The following CDH13 variants were observed in gnomAD, a reference collection of about 807,000 sequenced individuals.
CDH13 encodes the protein cadherin 13.
CDH13 carries 24 observed loss-of-function variants against 63.8 expected under a neutral mutation model. The ratio of observed to expected loss-of-function variants is 0.38; its 90% CI spans 0.27 to 0.53. The LOEUF (loss-of-function observed/expected upper bound fraction) is 0.53. Ranked by LOEUF, CDH13 falls within the 20% of genes least tolerant of loss-of-function variation. CDH13 has a pLI of 0.85. For synonymous variants in CDH13, 503 were observed against 355.3 expected (o/e 1.42, Z -4.67); for missense variants, 1,049 against 903.1 (o/e 1.16, Z -2.07).
chr16:82,896,223 C>T (rs182062605), intron 2 of CDH13, among the ~76,000 whole-genome samples: 43 of 147,754 alleles, frequency 2.9e-4, no homozygotes, highest in Admixed American at 1.2e-3. Flanking sequence ...TACAACACTG[C>T]CAGGCATATT....
chr16:83,195,142 A>T (rs2038841989), intron 4 of CDH13, among the ~76,000 whole-genome samples: 1 of 152,202 alleles, frequency 6.6e-6, no homozygotes, highest in African/African-American at 2.4e-5. Context: ...TATTTACATC[A>T]TTCACAGTGT....
chr16:83,269,771 A>T (rs16960043), intron 5 of CDH13, among the ~76,000 whole-genome samples: 1 of 152,022 alleles, frequency 6.6e-6, no homozygotes, highest in African/African-American at 2.4e-5. Flanking sequence ...TCACCAGGTA[A>T]TCCTAGACAT....
intron 7 of CDH13, among the ~76,000 whole-genome samples, chr16:83,519,619 G>T (rs563319405): frequency 6.6e-6 from 1 of 152,166 alleles, no homozygotes; most frequent in Non-Finnish European, 1.5e-5. Flanking sequence ...TAGGAAATGA[G>T]TTAAACCTAT....
intron 6 of CDH13, among the ~76,000 whole-genome samples, chr16:83,478,157 C>G (rs1258150818): frequency 1.9e-4 from 25 of 130,640 alleles, no homozygotes; most frequent in Admixed American, 1.7e-3. Flanking sequence ...AAGACTCCGT[C>G]TCAAAAAAAA....
intron 1 of CDH13, chr16:82,773,337 G>A (rs1436106255): frequency 6.6e-6 from 1 of 152,280 alleles, no homozygotes; most frequent in Non-Finnish European, 1.5e-5. Context: ...CTGGATTGAT[G>A]TAGTAGCCAG....
chr16:83,620,046 G>C (rs1909663551), intron 8 of CDH13, among the ~76,000 whole-genome samples: 2 of 152,012 alleles, frequency 1.3e-5, no homozygotes, highest in African/African-American at 4.8e-5. Flanking sequence ...ACAAGACGAG[G>C]AGGCTGGATT....
At chr16:83,747,407 ACGTAAGACATGCCTTTCACCTTC>A in intron 10 of CDH13, among the ~76,000 whole-genome samples, 1 of 152,130 alleles carries the variant, frequency 6.6e-6, no homozygotes, top group East Asian at 1.9e-4. Flanking sequence ...GTCTGCCACC[ACGTAAGACATGCCTTTCACCTTC>A]CGCCATGATT....
chr16:83,408,479 T>G (rs1054868512), intron 6 of CDH13, among the ~76,000 whole-genome samples: 38 of 152,174 alleles, frequency 2.5e-4, no homozygotes, highest in Admixed American at 9.8e-4. Context: ...GTTACTCTAT[T>G]GAATACTGTA....
chr16:83,321,525 ATTTTT>A (rs10672316), intron 5 of CDH13, among the ~76,000 whole-genome samples: 1 of 103,650 alleles, frequency 9.6e-6, no homozygotes, highest in Non-Finnish European at 1.8e-5. Flanking sequence ...GAAATCTGGA[ATTTTT>A]TTTTTTTTTT....
chr16:83,044,012 G>A (rs1241750633), intron 3 of CDH13, among the ~76,000 whole-genome samples: 1 of 152,124 alleles, frequency 6.6e-6, no homozygotes, highest in Admixed American at 6.5e-5. Context: ...TAGATAGGAT[G>A]CTCTACAGTT....
intron 3 of CDH13, among the ~76,000 whole-genome samples, chr16:83,052,099 C>A (rs566981460): frequency 6.6e-6 from 1 of 152,122 alleles, no homozygotes; most frequent in Non-Finnish European, 1.5e-5. Flanking sequence ...ATCATGCATT[C>A]TCTGCTTACT....
chr16:83,367,058 A>G (rs973050999), intron 6 of CDH13, among the ~76,000 whole-genome samples: 1 of 152,208 alleles, frequency 6.6e-6, no homozygotes, highest in African/African-American at 2.4e-5. Flanking sequence ...AATCATCGCC[A>G]CAATCAATTT....
intron 4 of CDH13, among the ~76,000 whole-genome samples, chr16:83,138,821 C>T (rs914033571): frequency 1.3e-5 from 2 of 151,836 alleles, no homozygotes; most frequent in Non-Finnish European, 2.9e-5. Context: ...AGGAGGGTGA[C>T]GAAGGGCTCC....
chr16:83,747,983 G>A, intron 10 of CDH13, 125 bp from the exon 11 acceptor site: 1 of 961,768 alleles, frequency 1.0e-6, no homozygotes, highest in South Asian at 1.5e-5. Flanking sequence ...TAACAGAAAT[G>A]ATGGTTTTGG....
At chr16:83,191,906 C>T (rs554673511) in intron 4 of CDH13, among the ~76,000 whole-genome samples, 13 of 152,132 alleles carry the variant, frequency 8.5e-5, no homozygotes, top group Admixed American at 8.5e-4. Context: ...CACAGACACA[C>T]CCAGGATCAA....
At chr16:83,569,474 T>C (rs1222804175) in intron 7 of CDH13, among the ~76,000 whole-genome samples, 2 of 152,256 alleles carry the variant, frequency 1.3e-5, no homozygotes, top group African/African-American at 4.8e-5. Context: ...GTTTTTTCTC[T>C]GGAAACTATG....
intron 2 of CDH13, among the ~76,000 whole-genome samples, chr16:82,881,673 A>G (rs1046367797): frequency 2.0e-5 from 3 of 152,194 alleles, no homozygotes; most frequent in African/African-American, 7.2e-5. Context: ...GTCATCTAGA[A>G]AACAAAGCCA....
intron 3 of CDH13, among the ~76,000 whole-genome samples, chr16:83,056,175 C>G (rs1021655105): frequency 6.6e-6 from 1 of 152,158 alleles, no homozygotes; most frequent in Non-Finnish European, 1.5e-5. Context: ...CTATTATACA[C>G]ACATGTGAAA....
intron 11 of CDH13, among the ~76,000 whole-genome samples, chr16:83,771,321 T>G (rs536730219): frequency 6.6e-6 from 1 of 152,352 alleles, no homozygotes; most frequent in East Asian, 1.9e-4. Context: ...GGCCATCTCA[T>G]AGGCAGTTAT....
Sources: gnomAD v4.1 joint callset for allele counts (sites outside exome capture counted in the v4.1 genomes callset) on GRCh38, gnomAD v4.1.1 for gene constraint, MANE v1.5 for transcripts, NCBI Gene and HGNC (gene_info 2026-07-23, HGNC 2026-07-21) for gene names.